Variants in RNF150 observed in about 807,000 individuals in gnomAD.
RNF150 encodes ring finger protein 150.
RNF150 carries 24 observed loss-of-function variants against 39.3 expected under a neutral mutation model. The ratio of observed to expected loss-of-function variants is 0.61; its 90% CI spans 0.44 to 0.86. The LOEUF (loss-of-function observed/expected upper bound fraction) is 0.86. RNF150 is among the 40% of genes least tolerant of loss of function. The pLI, the probability that RNF150 is intolerant of heterozygous loss-of-function variation, is 0.00. For missense variants in RNF150, 502 were observed against 587.8 expected (o/e 0.85, Z 1.51); for synonymous variants, 255 against 227.3 (o/e 1.12, Z -1.10).
At chr4:141,057,193 G>A (rs1737011892) in intron 1 of RNF150, among the ~76,000 whole-genome samples, 3 of 151,924 alleles carry the variant, frequency 2.0e-5, no homozygotes, top group Admixed American at 2.0e-4. Context: ...TTAAAACAGT[G>A]CCTTGCATAT....
chr4:141,128,496 A>G (rs1441048346), intron 1 of RNF150, among the ~76,000 whole-genome samples: 1 of 152,180 alleles, frequency 6.6e-6, no homozygotes, highest in African/African-American at 2.4e-5. Context: ...CTTAGGGTAC[A>G]CCGAAAGAAG....
intron 1 of RNF150, among the ~76,000 whole-genome samples, chr4:141,186,792 CA>C (rs377139697): frequency 1.1e-4 from 17 of 151,622 alleles, no homozygotes; most frequent in African/African-American, 3.1e-4. Context: ...TTAATCTTTT[CA>C]AAAAAAACCA....
At chr4:140,917,089 T>C (rs1242365439) in intron 5 of RNF150, among the ~76,000 whole-genome samples, 1 of 152,168 alleles carries the variant, frequency 6.6e-6, no homozygotes, top group Non-Finnish European at 1.5e-5. Context: ...TGCAAAAACA[T>C]GCCAAATTGT....
intron 2 of RNF150, among the ~76,000 whole-genome samples, chr4:140,960,319 C>T (rs1732969369): frequency 6.6e-6 from 1 of 152,118 alleles, no homozygotes; most frequent in Admixed American, 6.6e-5. Flanking sequence ...ATAATAAGGA[C>T]TATCTATATT....
intron 1 of RNF150, among the ~76,000 whole-genome samples, chr4:141,103,256 T>C (rs1216352028): frequency 6.6e-6 from 1 of 152,208 alleles, no homozygotes; most frequent in Admixed American, 6.5e-5. Context: ...TGAGGAAAAT[T>C]GTTATAGATC....
intron 1 of RNF150, among the ~76,000 whole-genome samples, chr4:140,975,328 G>A (rs2111443046): frequency 6.6e-6 from 1 of 152,248 alleles, no homozygotes; most frequent in East Asian, 1.9e-4. Context: ...GCAACTTTTT[G>A]GGGATTCTGC....
At chr4:141,058,869 G>T (rs942038718) in intron 1 of RNF150, among the ~76,000 whole-genome samples, 4 of 152,124 alleles carry the variant, frequency 2.6e-5, no homozygotes, top group African/African-American at 9.7e-5. Flanking sequence ...CCTTACATAA[G>T]GTCCCAGTGC....
chr4:140,987,355 G>A (rs1166582297), intron 1 of RNF150, among the ~76,000 whole-genome samples: 1 of 151,970 alleles, frequency 6.6e-6, no homozygotes, highest in Non-Finnish European at 1.5e-5. Flanking sequence ...CACATTACAC[G>A]ACTTCAAGCT....
intron 6 of RNF150, among the ~76,000 whole-genome samples, chr4:140,882,312 T>A (rs6852894): frequency 0.062 from 9,497 of 152,238 alleles, 893 homozygotes; most frequent in East Asian, 0.42. Flanking sequence ...AGCCACTCAA[T>A]CTTCTTAAAT....
chr4:141,181,801 G>C (rs1727913608), intron 1 of RNF150, among the ~76,000 whole-genome samples: 2 of 152,092 alleles, frequency 1.3e-5, no homozygotes, highest in African/African-American at 4.8e-5. Context: ...GGGCATAAAT[G>C]GTAAGCCACT....
chr4:140,969,241 T>A (rs1324265226), intron 1 of RNF150, among the ~76,000 whole-genome samples: 2 of 152,142 alleles, frequency 1.3e-5, no homozygotes, highest in Non-Finnish European at 2.9e-5. Context: ...AACAACTACT[T>A]TAAAACTACA....
intron 1 of RNF150, among the ~76,000 whole-genome samples, chr4:141,201,978 G>A (rs1728299194): frequency 6.6e-6 from 1 of 152,100 alleles, no homozygotes; most frequent in East Asian, 1.9e-4. Context: ...GGGCTAGTGG[G>A]AGCTTGCTTG....
chr4:141,116,131 A>T (rs1451909652), intron 1 of RNF150, among the ~76,000 whole-genome samples: 1 of 152,260 alleles, frequency 6.6e-6, no homozygotes, highest in Non-Finnish European at 1.5e-5. Flanking sequence ...CAAAAGCCAA[A>T]ATTGACAAAT....
chr4:140,943,482 C>G (rs1732167262), intron 4 of RNF150, among the ~76,000 whole-genome samples: 1 of 152,174 alleles, frequency 6.6e-6, no homozygotes, highest in East Asian at 1.9e-4. Flanking sequence ...ATGGACAATA[C>G]AAACCATTGT....
intron 1 of RNF150, among the ~76,000 whole-genome samples, chr4:141,036,676 T>C (rs1736160573): frequency 6.6e-6 from 1 of 152,152 alleles, no homozygotes; most frequent in East Asian, 1.9e-4. Flanking sequence ...AGGTGTTTAG[T>C]AGATTGGTAC....
At chr4:140,931,970 G>A (rs1731656180) in intron 4 of RNF150, among the ~76,000 whole-genome samples, 1 of 152,064 alleles carries the variant, frequency 6.6e-6, no homozygotes, top group African/African-American at 2.4e-5. Context: ...TTCCCCAGCT[G>A]GAGAGAGAAA....
At chr4:141,140,716 C>T (rs937318522) in intron 1 of RNF150, among the ~76,000 whole-genome samples, 1 of 152,200 alleles carries the variant, frequency 6.6e-6, no homozygotes, top group Non-Finnish European at 1.5e-5. Context: ...CTGTTAGACA[C>T]AAGCATCTGT....
Position 141,175,111 on chromosome 4 carries a change from A to G in RNF150, c.-6+37683T>C, listed in dbSNP as rs138139418. 8.1e-4 allele frequency among the ~76,000 whole-genome samples: 123 copies of G among 152,308 alleles called. 3 individuals carry two copies. Among genetic ancestry groups the G allele is most frequent in the African/African-American group, 2.7e-3 (114 of 41,572 alleles). ...CAAGGTGGCCAGTACCAAACTGAGAAAAAGGGAAAGGCAGAGTGCTGATGG... is the reference window on the plus strand; with the variant it reads ...CAAGGTGGCCAGTACCAAACTGAGAGAAAGGGAAAGGCAGAGTGCTGATGG... On this transcript the variant is annotated intron_variant, in intron 1 of 7. Transcript: ENST00000420921.
intron 1 of RNF150, among the ~76,000 whole-genome samples, chr4:141,110,021 C>A (rs1739335849): frequency 6.6e-6 from 1 of 152,096 alleles, no homozygotes; most frequent in Non-Finnish European, 1.5e-5. Flanking sequence ...GACTAAGGAC[C>A]AGGACAACAG....
Sources: allele counts gnomAD v4.1 joint callset (sites outside exome capture counted in the v4.1 genomes callset), GRCh38; gene constraint gnomAD v4.1.1; transcripts MANE v1.5; gene names NCBI Gene and HGNC (gene_info 2026-07-23, HGNC 2026-07-21).